The following RIPOR2 variants were observed in gnomAD, a reference collection of about 807,000 sequenced individuals.
The protein encoded by RIPOR2 is rho family-interacting cell polarization regulator 2.
Under a neutral mutation model 114.5 loss-of-function variants are expected in RIPOR2, and 39 were observed. That is an observed-to-expected ratio of 0.34 (90% CI 0.26 to 0.44). The LOEUF is 0.44. RIPOR2 is among the 20% of genes least tolerant of loss of function. The pLI, the probability that RIPOR2 is intolerant of heterozygous loss-of-function variation, is 1.00. For synonymous variants in RIPOR2, 445 were observed against 484.4 expected (o/e 0.92, Z 1.07); for missense variants, 1,007 against 1,255.1 (o/e 0.80, Z 2.99).
chr6:24,940,582 C>T (rs1203463070), upstream of RIPOR2, among the ~76,000 whole-genome samples: 3 of 152,008 alleles, frequency 2.0e-5, no homozygotes, highest in African/African-American at 4.8e-5. Flanking sequence ...TAAAGATGCA[C>T]CTAAAAATTT....
chr6:25,021,430 T>C (rs1280170570), intron 1 of RIPOR2, among the ~76,000 whole-genome samples: 3 of 152,228 alleles, frequency 2.0e-5, no homozygotes, highest in Non-Finnish European at 4.4e-5. Context: ...AATTGTGGTA[T>C]ACATTCACGA....
chr6:24,836,093 T>G, intron 14 of RIPOR2: 1 of 536,966 alleles, frequency 1.9e-6, no homozygotes, highest in South Asian at 2.3e-5. Flanking sequence ...TCAAAGTTCT[T>G]TCTCTACTTT....
intron 1 of RIPOR2, among the ~76,000 whole-genome samples, chr6:25,019,114 C>A (rs1395591359): frequency 1.3e-5 from 2 of 152,104 alleles, no homozygotes; most frequent in African/African-American, 4.8e-5. Context: ...CAAAGGTGAG[C>A]AGTGATGTTT....
At chr6:24,870,665 C>G (rs1415009903) in intron 5 of RIPOR2, among the ~76,000 whole-genome samples, 1 of 152,180 alleles carries the variant, frequency 6.6e-6, no homozygotes, top group Non-Finnish European at 1.5e-5. Context: ...CACTACCATG[C>G]CTGGATAATG....
chr6:24,894,833 T>C (rs777080823), intron 1 of RIPOR2, among the ~76,000 whole-genome samples: 29 of 152,208 alleles, frequency 1.9e-4, no homozygotes, highest in Non-Finnish European at 2.6e-4. Flanking sequence ...CCCACACCTA[T>C]ACTCTTAGGG....
At chr6:24,850,560 G>A in intron 10 of RIPOR2, 37 bp downstream of exon 10, 1 of 1,612,548 alleles carries the variant, frequency 6.2e-7, no homozygotes, top group Non-Finnish European at 8.5e-7. Context: ...TCCAGCCGTG[G>A]CACCAGGAAA....
At chr6:24,824,222 G>T (rs910032553) in intron 19 of RIPOR2, among the ~76,000 whole-genome samples, 2 of 152,216 alleles carry the variant, frequency 1.3e-5, no homozygotes, top group African/African-American at 4.8e-5. Flanking sequence ...GGTAGGAGGT[G>T]AGAGTGGTCA....
At chr6:24,924,983 A>G (rs1770756393) in intron 1 of RIPOR2, among the ~76,000 whole-genome samples, 1 of 152,250 alleles carries the variant, frequency 6.6e-6, no homozygotes, top group African/African-American at 2.4e-5. Flanking sequence ...TACTCTAAAA[A>G]ATGGTCTAGT....
intron 1 of RIPOR2, among the ~76,000 whole-genome samples, chr6:24,994,938 A>G (rs1774983489): frequency 2.0e-5 from 3 of 152,238 alleles, no homozygotes; most frequent in Non-Finnish European, 1.5e-5. Context: ...TTTTGTTTAG[A>G]CATTATACTG....
intron 1 of RIPOR2, among the ~76,000 whole-genome samples, chr6:24,989,798 G>A (rs1006329394): frequency 1.3e-4 from 20 of 151,786 alleles, no homozygotes; most frequent in Admixed American, 1.2e-3. Flanking sequence ...TTGGGAGGCC[G>A]AGGCAGGTGG....
chr6:24,818,362 C>T (rs551316539), intron 20 of RIPOR2, among the ~76,000 whole-genome samples, 180 bp downstream of exon 20: 1 of 152,258 alleles, frequency 6.6e-6, no homozygotes, highest in South Asian at 2.1e-4. Flanking sequence ...TTTAACAAAA[C>T]AAAGTCACAT....
At chr6:24,950,344 T>C (rs1453237452) in intron 1 of RIPOR2, among the ~76,000 whole-genome samples, 1 of 152,226 alleles carries the variant, frequency 6.6e-6, no homozygotes, top group Admixed American at 6.5e-5. Flanking sequence ...TTCTCTTTTC[T>C]TCCTCCCTCC....
intron 1 of RIPOR2, among the ~76,000 whole-genome samples, chr6:24,915,413 G>T (rs1490833028): frequency 6.7e-6 from 1 of 149,430 alleles, no homozygotes; most frequent in Non-Finnish European, 1.5e-5. Context: ...GGAGTGCAGT[G>T]GCACGATCTC....
chr6:24,956,431 A>G (rs1256412021), intron 1 of RIPOR2, among the ~76,000 whole-genome samples: 1 of 152,198 alleles, frequency 6.6e-6, no homozygotes, highest in African/African-American at 2.4e-5. Context: ...AAACTTAAAT[A>G]CTTATCATCT....
intron 1 of RIPOR2, among the ~76,000 whole-genome samples, chr6:24,905,481 G>T (rs1768888066): frequency 6.6e-6 from 1 of 152,108 alleles, no homozygotes; most frequent in Admixed American, 6.5e-5. Flanking sequence ...ATACGGCACT[G>T]CAATTCAAGG....
chr6:24,841,175 T>C (rs112736386), intron 13 of RIPOR2, among the ~76,000 whole-genome samples: 1,803 of 152,310 alleles, frequency 0.012, 18 homozygotes, highest in Non-Finnish European at 0.018. Flanking sequence ...ATGCCTGGAA[T>C]GGGAGCTGCT....
chr6:24,966,794 G>A (rs969850904), intron 1 of RIPOR2, among the ~76,000 whole-genome samples: 6 of 152,176 alleles, frequency 3.9e-5, no homozygotes, highest in Non-Finnish European at 7.3e-5. Context: ...TCTCTGTGCT[G>A]TACTTGACCA....
At chr6:24,859,961 G>A (rs1278573679) in intron 8 of RIPOR2, among the ~76,000 whole-genome samples, 1 of 152,220 alleles carries the variant, frequency 6.6e-6, no homozygotes, top group Non-Finnish European at 1.5e-5. Context: ...ACTTGGAAGA[G>A]AAATTGACTT....
At chr6:24,877,355 G>C (rs779365064) in intron 1 of RIPOR2, 1 of 985,266 alleles carries the variant, frequency 1.0e-6, no homozygotes, top group Admixed American at 6.1e-5. Context: ...GCATTCTTGC[G>C]AGGTACAGGT....
Sources: gnomAD v4.1 joint callset for allele counts (sites outside exome capture counted in the v4.1 genomes callset) on GRCh38, gnomAD v4.1.1 for gene constraint, MANE v1.5 for transcripts, NCBI Gene and HGNC (gene_info 2026-07-23, HGNC 2026-07-21) for gene names.